The following ADORA2A variants were observed in gnomAD, a reference collection of about 807,000 sequenced individuals.
The protein encoded by ADORA2A is adenosine A2a receptor.
ADORA2A carries 11 observed loss-of-function variants against 18.4 expected under a neutral mutation model. That is an observed-to-expected ratio of 0.60 (90% CI 0.38 to 0.99). ADORA2A has a LOEUF of 0.99. ADORA2A is among the 50% of genes least tolerant of loss of function. The pLI is 0.01. For missense variants in ADORA2A, 449 were observed against 556.1 expected (o/e 0.81, Z 1.94); for synonymous variants, 218 against 237.3 (o/e 0.92, Z 0.75).
chr22:24,430,177 G>C (rs547703343), intron 1 of ADORA2A: 1,630 of 152,638 alleles, frequency 0.011, 10 homozygotes, highest in Non-Finnish European at 0.018. Flanking sequence ...GCTTGGCAGG[G>C]GCCCAGGTTG....
upstream of ADORA2A, among the ~76,000 whole-genome samples, chr22:24,427,044 G>C (rs1402821845): frequency 6.6e-6 from 1 of 152,208 alleles, no homozygotes; most frequent in Non-Finnish European, 1.5e-5. Flanking sequence ...CCGTCACCTG[G>C]TGGAGAGGCT....
intron 1 of ADORA2A, among the ~76,000 whole-genome samples, chr22:24,427,956 C>A (rs1395087839): frequency 1.3e-5 from 2 of 152,170 alleles, no homozygotes; most frequent in African/African-American, 2.4e-5. Flanking sequence ...ATCCTGCCAC[C>A]AGGAGCAGAG....
intron 2 of ADORA2A, 78 bp downstream of exon 2, chr22:24,433,814 C>A: frequency 6.8e-7 from 1 of 1,475,656 alleles, no homozygotes; most frequent in Non-Finnish European, 9.1e-7. Flanking sequence ...CCAGGGTGAG[C>A]CTGGGATCAG....
intron 1 of ADORA2A, chr22:24,429,952 G>A (rs1268224778): frequency 1.3e-5 from 2 of 152,304 alleles, no homozygotes; most frequent in Non-Finnish European, 2.9e-5. Context: ...CTTGAAACTG[G>A]GCACAAGGGG....
chr22:24,439,071 C>CTTTTTT lies in ADORA2A; in HGVS notation c.333-1512_333-1511insTTTTTT, dbSNP rs868563988. Among the ~76,000 whole-genome samples the CTTTTTT allele has an allele frequency of 1.5e-4, 12 of 77,930 alleles. No individual in the cohort carries two copies. The South Asian group carries it at 3.1e-3, about 20-fold the overall frequency. 51.1% of individuals were successfully genotyped at this position (77,930 alleles called of 152,430 possible). ...AGTAGAGCACATCCTTCCCCTTGCA[C>CTTTTTT]CTTTTTTTTTTTTTTTTTTTTTTTT... On this transcript the variant is annotated intron_variant, in intron 2 of 2. Transcript: ENST00000337539.
At position 24,442,296 on chromosome 22, in the gene ADORA2A, A is replaced by T. The variant is rs900063472; in HGVS notation, c.*807A>T. Reference sequence around the variant, plus strand: ...TCTAACTGCCTTTCCTTCTAAAGGGAATGTTTTTTTCTGAGATAAAATAAA... The same window carrying T: ...TCTAACTGCCTTTCCTTCTAAAGGGTATGTTTTTTTCTGAGATAAAATAAA... On this transcript the variant is annotated 3_prime_UTR_variant, in exon 3 of 3. Coordinates refer to ENST00000337539, the MANE Select transcript of ADORA2A (RefSeq NM_000675.6). The T allele has an allele frequency of 6.5e-6, 1 of 152,792 alleles. No individual in the cohort carries two copies. Among genetic ancestry groups the T allele is most frequent in the African/African-American group, 2.4e-5 (1 of 41,452 alleles). 9.5% of individuals were successfully genotyped at this position (152,792 alleles called of 1,614,324 possible).
chr22:24,440,793 C>T lies in ADORA2A; in HGVS notation c.543C>T (p.Asn181=), dbSNP rs202036955. 5.1e-5 allele frequency: 82 copies of T among 1,614,098 alleles called. No homozygotes were observed. Among genetic ancestry groups the T allele is most frequent in the Non-Finnish European group, 6.7e-5 (79 of 1,180,044 alleles). Residue 181 remains asparagine, a synonymous_variant, in exon 3 of 3, where the codon AAC becomes AAT. Transcript: ENST00000337539. ...VVPMNYMVYF[N]FFACVLVPLL... is the part of the protein sequence containing the mutation. ...CCATGAACTACATGGTGTACTTCAA[C>T]TTCTTTGCCTGTGTGCTGGTGCCCC...
intron 2 of ADORA2A, among the ~76,000 whole-genome samples, chr22:24,435,454 C>T (rs962446028): frequency 2.0e-5 from 3 of 152,230 alleles, no homozygotes; most frequent in African/African-American, 7.2e-5. Flanking sequence ...ATGATCAGGG[C>T]TGCCGTTCTC....
Position 24,441,746 on chromosome 22 carries a change from G to A in ADORA2A, c.*257G>A, listed in dbSNP as rs199674801. On this transcript the variant is annotated 3_prime_UTR_variant, in exon 3 of 3. Transcript: ENST00000337539. ...GGGCCACAGCACCAGCAGCATCTTT[G>A]CTGGGCAGGGCCCAGCCCTCCACTG... 2.8e-4 allele frequency: 101 copies of A among 364,820 alleles called. No homozygotes were observed. Among genetic ancestry groups the A allele is most frequent in the African/African-American group, 2.0e-3 (95 of 48,274 alleles). 22.6% of individuals were successfully genotyped at this position (364,820 alleles called of 1,614,324 possible). A position where few individuals can be genotyped will look rare whatever the true frequency, so the allele number is the denominator to read the frequency against.
rs2042935210 is a variant in ADORA2A, at chr22:24,427,741, G to A, written c.-280G>A. The A allele has an allele frequency of 6.6e-6, 1 of 152,398 alleles. No homozygotes were observed. The highest frequency in any genetic ancestry group is 2.4e-5 in the African/African-American group (1 of 41,460). The allele number at this position is 152,398 out of a possible 1,614,324, so 9.4% of individuals were successfully genotyped here. A position where few individuals can be genotyped will look rare whatever the true frequency, so the allele number is the denominator to read the frequency against. On this transcript the variant is annotated 5_prime_UTR_variant, in exon 1 of 3. Coordinates refer to ENST00000337539, the MANE Select transcript of ADORA2A (RefSeq NM_000675.6). ...AGGGCTGTCAGGTGAAGCCTCGTGT[G>A]AGGGGGTGAGTGGCCCCCAGGCGGG... is the stretch of plus-strand genomic sequence containing the variant.
At chr22:24,425,299 C>T (rs1439559315), upstream of ADORA2A, among the ~76,000 whole-genome samples, 2 of 146,074 alleles carry the variant, frequency 1.4e-5, no homozygotes, top group African/African-American at 5.1e-5. Flanking sequence ...TCCTGGAGGC[C>T]TTGGGTGGGG....
At chr22:24,426,310 G>A (rs917060537), upstream of ADORA2A, among the ~76,000 whole-genome samples, 2 of 152,220 alleles carry the variant, frequency 1.3e-5, no homozygotes, top group African/African-American at 4.8e-5. Context: ...ACAGAGCCCT[G>A]AGCACGCAGG....
At position 24,441,541 on chromosome 22, in the gene ADORA2A, G is replaced by A. The variant is rs765822455; in HGVS notation, c.*52G>A. ...AGGGAAGGAGATCTTTATCTTTCTG[G>A]TTGGCTTGACCAGTCACGTTGGGAG... On this transcript the variant is annotated 3_prime_UTR_variant, in exon 3 of 3. Coordinates refer to ENST00000337539, the MANE Select transcript of ADORA2A (RefSeq NM_000675.6). 6.9e-7 allele frequency: 1 copy of A among 1,454,492 alleles called. No homozygotes were observed. The highest frequency in any genetic ancestry group is 9.1e-7 in the Non-Finnish European group (1 of 1,102,942). 90.1% of individuals were successfully genotyped at this position (1,454,492 alleles called of 1,614,324 possible). A position where few individuals can be genotyped will look rare whatever the true frequency, so the allele number is the denominator to read the frequency against.
chr22:24,441,574 A>T lies in ADORA2A; in HGVS notation c.*85A>T. On this transcript the variant is annotated 3_prime_UTR_variant, in exon 3 of 3. Coordinates refer to ENST00000337539, the MANE Select transcript of ADORA2A (RefSeq NM_000675.6). ...GACCAGTCACGTTGGGAGAAGAGAG[A>T]GAGTGCCAGGAGACCCTGAGGGCAG... is the stretch of plus-strand genomic sequence containing the variant. The T allele has an allele frequency of 7.4e-7, 1 of 1,359,484 alleles. No individual in the cohort carries two copies. The highest frequency in any genetic ancestry group is 9.6e-7 in the Non-Finnish European group (1 of 1,040,918). The allele number at this position is 1,359,484 out of a possible 1,614,324, so 84.2% of individuals were successfully genotyped here.
chr22:24,436,181 T>G (rs1216453133), intron 2 of ADORA2A, among the ~76,000 whole-genome samples: 2 of 152,176 alleles, frequency 1.3e-5, no homozygotes, highest in Non-Finnish European at 2.9e-5. Flanking sequence ...CCTCTGGGCA[T>G]GTGGAGGTGT....
At position 24,427,607 on chromosome 22, in the gene ADORA2A, G is replaced by T. The variant is rs2042932684; in HGVS notation, c.-414G>T. On this transcript the variant is annotated 5_prime_UTR_variant, in exon 1 of 3. Coordinates refer to ENST00000337539, the MANE Select transcript of ADORA2A (RefSeq NM_000675.6). ...CAGCCGCGTGCAGAGGGGAAGCTCTGCCTGGGCCTCAGGGACTGTGACATG... is the reference window on the plus strand; with the variant it reads ...CAGCCGCGTGCAGAGGGGAAGCTCTTCCTGGGCCTCAGGGACTGTGACATG... The T allele has an allele frequency of 6.6e-6, 1 of 152,536 alleles. No homozygotes were observed. Among genetic ancestry groups the T allele is most frequent in the African/African-American group, 2.4e-5 (1 of 41,602 alleles). The allele number at this position is 152,536 out of a possible 1,614,324, so 9.4% of individuals were successfully genotyped here. A position where few individuals can be genotyped will look rare whatever the true frequency, so the allele number is the denominator to read the frequency against.
At chr22:24,437,379 T>C (rs1159609146) in intron 2 of ADORA2A, among the ~76,000 whole-genome samples, 1 of 152,188 alleles carries the variant, frequency 6.6e-6, no homozygotes, top group Admixed American at 6.5e-5. Context: ...TGTGAGTGTG[T>C]TGGTCACAGA....
chr22:24,426,050 T>C (rs547239424), upstream of ADORA2A, among the ~76,000 whole-genome samples: 7 of 152,188 alleles, frequency 4.6e-5, no homozygotes, highest in African/African-American at 1.7e-4. Flanking sequence ...GAGGGACATA[T>C]GAATGGTAGT....
At chr22:24,432,604 G>C (rs1314720467) in intron 1 of ADORA2A, 4 of 152,356 alleles carry the variant, frequency 2.6e-5, no homozygotes, top group Non-Finnish European at 5.9e-5. Flanking sequence ...ACTTTAACAA[G>C]TTTCTGGCTC....
Sources: allele counts gnomAD v4.1 joint callset (sites outside exome capture counted in the v4.1 genomes callset), GRCh38; gene constraint gnomAD v4.1.1; transcripts MANE v1.5; gene names NCBI Gene and HGNC (gene_info 2026-07-23, HGNC 2026-07-21).